Variants in ZMYM1 observed in about 807,000 individuals in gnomAD.
ZMYM1 encodes the protein zinc finger MYM-type protein 1.
In ZMYM1, 39 loss-of-function variants were observed where a neutral mutation model predicts 60.0. That is an observed-to-expected ratio of 0.65 (90% CI 0.50 to 0.85). The LOEUF is 0.85. Among genes scored for constraint, ZMYM1 ranks in the 40% least tolerant of loss-of-function variants. ZMYM1 has a pLI of 0.00. For missense variants in ZMYM1, 1,171 were observed against 1,309.5 expected, an observed-to-expected ratio of 0.89 and a Z score of 1.63; for synonymous variants, 413 against 454.0, an observed-to-expected ratio of 0.91 and a Z score of 1.15.
chr1:35,070,103 G>T (rs929759114), intron 1 of ZMYM1, among the ~76,000 whole-genome samples: 2 of 152,024 alleles, frequency 1.3e-5, no homozygotes, highest in African/African-American at 4.8e-5. Flanking sequence ...TTTTTAGATT[G>T]TTTTTTATAT....
chr1:35,071,023 T>C (rs1484494584), intron 1 of ZMYM1, among the ~76,000 whole-genome samples: 1 of 152,074 alleles, frequency 6.6e-6, no homozygotes, highest in Non-Finnish European at 1.5e-5. Context: ...TAGCTGAGAT[T>C]ACAGGTGTGC....
At chr1:35,067,374 A>G (rs1258859719) in intron 1 of ZMYM1, among the ~76,000 whole-genome samples, 2 of 151,538 alleles carry the variant, frequency 1.3e-5, no homozygotes, top group African/African-American at 4.9e-5. Context: ...TGCAACCTCT[A>G]ACTCCTGTGC....
At chr1:35,102,313 T>C (rs76463735) in intron 4 of ZMYM1, among the ~76,000 whole-genome samples, 2,138 of 152,340 alleles carry the variant, frequency 0.014, 58 homozygotes, top group African/African-American at 0.048. Flanking sequence ...CACTCTGTTA[T>C]GTTAGAATTC....
chr1:35,113,481 A>G lies in ZMYM1; in HGVS notation c.1651A>G (p.Lys551Glu). The G allele has an allele frequency of 6.2e-7, 1 of 1,612,104 alleles. No homozygotes were observed. The highest frequency in any genetic ancestry group is 8.5e-7 in the Non-Finnish European group (1 of 1,179,544). ...TCATTCGAAACAGATTGAGGGAAAT[A>G]AAAAGTACCTAAAGCTTATAATTGA... The part of the protein sequence containing the change: ...SIHSKQIEGN[K>E]KYLKLIIENI... The change falls in exon 10 of 10, where the codon AAA becomes GAA. Residue 551 changes from lysine to glutamate, a missense_variant. Lys to Glu is a moderately conservative substitution (Grantham distance 56). Coordinates refer to ENST00000359858, the MANE Select transcript of ZMYM1 (RefSeq NM_024772.5).
intron 4 of ZMYM1, among the ~76,000 whole-genome samples, chr1:35,102,116 G>A (rs988121431): frequency 6.6e-6 from 1 of 152,080 alleles, no homozygotes; most frequent in African/African-American, 2.4e-5. Flanking sequence ...TGTTGTTTTG[G>A]TTGAAGTCTG....
At chr1:35,102,608 G>A (rs1344565113) in intron 4 of ZMYM1, among the ~76,000 whole-genome samples, 1 of 152,154 alleles carries the variant, frequency 6.6e-6, no homozygotes, top group Non-Finnish European at 1.5e-5. Context: ...TACTTGAAGT[G>A]ACAGTCTCAT....
intron 1 of ZMYM1, among the ~76,000 whole-genome samples, chr1:35,062,081 C>T (rs112405325): frequency 0.049 from 7,380 of 152,122 alleles, 510 homozygotes; most frequent in African/African-American, 0.16. Flanking sequence ...CTGCCCATCT[C>T]GGCCTCCCAA....
chr1:35,112,231 G>T (rs1644113852), intron 9 of ZMYM1, 101 bp downstream of exon 9: 2 of 1,206,168 alleles, frequency 1.7e-6, no homozygotes, highest in Admixed American at 1.8e-5. Context: ...AAGCTGGAGT[G>T]CAGTGGCGTG....
At chr1:35,073,338 A>AAAGGAAGGAAGGAAGG (rs71029062) in intron 1 of ZMYM1, among the ~76,000 whole-genome samples, 8,211 of 115,566 alleles carry the variant, frequency 0.071, 381 homozygotes, top group Middle Eastern at 0.11. Context: ...AGAAAGAAAG[A>AAAGGAAGGAAGGAAGG]AAGGAAGGAA....
intron 4 of ZMYM1, among the ~76,000 whole-genome samples, chr1:35,102,402 CT>C (rs1478614180): frequency 2.0e-5 from 3 of 152,178 alleles, no homozygotes; most frequent in Non-Finnish European, 4.4e-5. Flanking sequence ...TTGGAAAATA[CT>C]GGTTCACTGA....
intron 6 of ZMYM1, among the ~76,000 whole-genome samples, chr1:35,109,045 A>T (rs1371449225): frequency 6.6e-6 from 1 of 151,414 alleles, no homozygotes; most frequent in East Asian, 1.9e-4. Flanking sequence ...TTTGAGACAG[A>T]GTCTTACTCT....
intron 4 of ZMYM1, among the ~76,000 whole-genome samples, chr1:35,100,887 C>T (rs991079511): frequency 6.6e-6 from 1 of 151,808 alleles, no homozygotes; most frequent in Non-Finnish European, 1.5e-5. Flanking sequence ...ACTGCAGCCT[C>T]GACCACCTGG....
At chr1:35,062,698 T>A (rs2148474036) in intron 1 of ZMYM1, among the ~76,000 whole-genome samples, 1 of 152,310 alleles carries the variant, frequency 6.6e-6, no homozygotes, top group East Asian at 1.9e-4. Context: ...AGAAACCGGG[T>A]CTGGTTACTT....
chr1:35,072,217 A>AT (rs1642079857), intron 1 of ZMYM1, among the ~76,000 whole-genome samples: 2 of 152,198 alleles, frequency 1.3e-5, no homozygotes, highest in African/African-American at 2.4e-5. Flanking sequence ...TTGATGGCAG[A>AT]CTTTTTATTA....
intron 6 of ZMYM1, among the ~76,000 whole-genome samples, chr1:35,105,808 G>A (rs1372385845): frequency 6.6e-6 from 1 of 152,032 alleles, no homozygotes; most frequent in Non-Finnish European, 1.5e-5. Context: ...CTCTTACTAT[G>A]TTGCCCAAGC....
At chr1:35,100,708 C>T (rs555911699) in intron 4 of ZMYM1, among the ~76,000 whole-genome samples, 1 of 152,126 alleles carries the variant, frequency 6.6e-6, no homozygotes, top group Admixed American at 6.5e-5. Context: ...CAGTTGGAAC[C>T]AACCGCAAAT....
intron 2 of ZMYM1, among the ~76,000 whole-genome samples, chr1:35,095,156 C>T (rs1186207479): frequency 1.3e-5 from 2 of 151,800 alleles, no homozygotes; most frequent in Non-Finnish European, 2.9e-5. Flanking sequence ...ATCATTCTGC[C>T]CAATTAACAA....
chr1:35,115,112 G>A lies in ZMYM1; in HGVS notation c.3282G>A (p.Lys1094=). 6.2e-7 allele frequency: 1 copy of A among 1,614,044 alleles called. No individual in the cohort carries two copies. The highest frequency in any genetic ancestry group is 8.5e-7 in the Non-Finnish European group (1 of 1,179,984). ...ENSFSTLPRL[K]TYLCNTMGQE... ...CATTTTCTACCCTGCCTCGTCTTAA[G>A]ACATATTTATGTAATACCATGGGAC... Residue 1094 remains lysine (K), a synonymous_variant, in exon 10 of 10, where the codon AAG becomes AAA. Transcript: ENST00000359858.
chr1:35,084,578 TTA>T (rs1336066746), intron 1 of ZMYM1, among the ~76,000 whole-genome samples: 2 of 152,202 alleles, frequency 1.3e-5, no homozygotes, highest in Non-Finnish European at 2.9e-5. Context: ...GGCATAGCCA[TTA>T]CTCCTAGGGC....
Sources: gnomAD v4.1 joint callset for allele counts (sites outside exome capture counted in the v4.1 genomes callset) on GRCh38, gnomAD v4.1.1 for gene constraint, MANE v1.5 for transcripts, NCBI Gene and HGNC (gene_info 2026-07-23, HGNC 2026-07-21) for gene names.